ID1: variants seen among roughly 807,000 people sequenced by gnomAD.
The protein encoded by ID1 is inhibitor of DNA binding 1.
Under a neutral mutation model 11.3 loss-of-function variants are expected in ID1, and 8 were observed. The observed-to-expected ratio is 0.71, with a 90% confidence interval of 0.42 to 1.28. ID1 has a LOEUF of 1.28. Among genes scored for constraint, ID1 ranks in the 50% most tolerant of loss-of-function variants. The pLI, the probability that ID1 is intolerant of heterozygous loss-of-function variation, is 0.01. For missense variants in ID1, 347 were observed against 219.8 expected (o/e 1.58, Z -3.66); for synonymous variants, 176 against 100.2 (o/e 1.76, Z -4.52).
At position 31,605,781 on chromosome 20, in the gene ID1, C is replaced by G. The variant is rs778739469; in HGVS notation, c.394C>G (p.Leu132Val). ...GCCGGTCCGGGCTCCGCTCAGCACC[C>G]TCAACGGCGAGATCAGCGCCCTGAC... is the stretch of plus-strand genomic sequence containing the variant. ...GLPVRAPLSTLNGEISALTAE... is the reference protein window; with the variant it reads ...GLPVRAPLSTVNGEISALTAE... Residue 132 changes from leucine to valine, a missense_variant, in exon 1 of 2, where the codon CTC (leucine) becomes GTC (valine). Transcript: ENST00000376112. 1.9e-6 allele frequency: 3 copies of G among 1,611,216 alleles called. No homozygotes were observed. Among genetic ancestry groups the G allele is most frequent in the Non-Finnish European group, 8.5e-7 (1 of 1,178,772 alleles).
In ID1 at chr20:31,605,318, G is replaced by GT. The variant is rs1986043474; in HGVS notation, c.-69dup. 1 of 1,405,996 alleles carries GT rather than the reference G, an allele frequency of 7.1e-7. No homozygotes were observed. Among genetic ancestry groups the GT allele is most frequent in the Non-Finnish European group, 9.7e-7 (1 of 1,033,704 alleles). 87.1% of individuals were successfully genotyped at this position (1,405,996 alleles called of 1,614,324 possible). ...CACGTTCTTAACTGTTCCATTTTCC[G>GT]TATCTGCTTCGGGCTTCCACCTCAT... On this transcript the variant is annotated 5_prime_UTR_variant, in exon 1 of 2. Transcript: ENST00000376112.
Position 31,605,296 on chromosome 20 carries a change from G to A in ID1, c.-92G>A, listed in dbSNP as rs1255880746. On this transcript the variant is annotated 5_prime_UTR_variant, in exon 1 of 2. Transcript: ENST00000376112. ...CTGTGGCTCCGCACTCTCATTCCAC[G>A]TTCTTAACTGTTCCATTTTCCGTAT... The A allele has an allele frequency of 8.2e-7, 1 of 1,221,860 alleles. No individual in the cohort carries two copies. Among genetic ancestry groups the A allele is most frequent in the Admixed American group, 2.2e-5 (1 of 46,068 alleles). 75.7% of individuals were successfully genotyped at this position (1,221,860 alleles called of 1,614,324 possible).
At position 31,606,306 on chromosome 20, in the gene ID1, G is replaced by A; in HGVS notation, c.*212G>A. ...CTCTCTGCACACCTACTAGTCACCAGAGACTTTAGGGGGTGGGATTCCACT... is the reference window on the plus strand; with the variant it reads ...CTCTCTGCACACCTACTAGTCACCAAAGACTTTAGGGGGTGGGATTCCACT... On this transcript the variant is annotated 3_prime_UTR_variant, in exon 2 of 2. Coordinates refer to ENST00000376112, the MANE Select transcript of ID1 (RefSeq NM_002165.4). The A allele has an allele frequency of 1.7e-6, 1 of 593,892 alleles. No individual in the cohort carries two copies. The highest frequency in any genetic ancestry group is 3.1e-6 in the Non-Finnish European group (1 of 325,710). 36.8% of individuals were successfully genotyped at this position (593,892 alleles called of 1,614,324 possible). A position where few individuals can be genotyped will look rare whatever the true frequency, so the allele number is the denominator to read the frequency against.
At chr20:31,605,892 C>T in intron 1 of ID1, 79 bp downstream of exon 1, 1 of 1,582,448 alleles carries the variant, frequency 6.3e-7, no homozygotes, top group Non-Finnish European at 8.6e-7. Flanking sequence ...GGCGCTTGCA[C>T]CACTTCCGTC....
Position 31,606,427 on chromosome 20 carries a change from A to G in ID1, c.*333A>G. On this transcript the variant is annotated 3_prime_UTR_variant, in exon 2 of 2. Transcript: ENST00000376112. ...AGGAAATTGCTTTGTATTGTATATTACAATGATCACCGACTGAAAATATTG... is the reference window on the plus strand; with the variant it reads ...AGGAAATTGCTTTGTATTGTATATTGCAATGATCACCGACTGAAAATATTG... 1 of 367,428 alleles carries G rather than the reference A, an allele frequency of 2.7e-6. No individual in the cohort carries two copies. Among genetic ancestry groups the G allele is most frequent in the Non-Finnish European group, 5.2e-6 (1 of 193,652 alleles). The allele number at this position is 367,428 out of a possible 1,614,324, so 22.8% of individuals were successfully genotyped here.
rs532455191 is a variant in ID1 at position 31,606,051 on chromosome 20, A to G, written c.427-2A>G. Reference sequence around the variant, plus strand: ...CGGTCTCATTTCTTCTCGTTTTCACAGGCGGCATGCGTTCCTGCGGACGAT... The same window carrying G: ...CGGTCTCATTTCTTCTCGTTTTCACGGGCGGCATGCGTTCCTGCGGACGAT... On this transcript the variant is annotated splice_acceptor_variant, in intron 1 of 1. Coordinates refer to ENST00000376112, the MANE Select transcript of ID1 (RefSeq NM_002165.4). LOFTEE classifies it high-confidence loss of function. 4 of 1,611,700 alleles carry G rather than the reference A, an allele frequency of 2.5e-6. No individual in the cohort carries two copies. Among genetic ancestry groups the G allele is most frequent in the South Asian group, 1.1e-5 (1 of 91,080 alleles).
In ID1 at chr20:31,605,831, C is replaced by G. The variant is rs553369764; in HGVS notation, c.426+18C>G. 1 of 1,610,228 alleles carries G rather than the reference C, an allele frequency of 6.2e-7. No homozygotes were observed. The highest frequency in any genetic ancestry group is 2.2e-5 in the East Asian group (1 of 44,724). ...CGGCCGAGGTGAGATCCAGATCCGACCACTAGATCATCCTTATACCGACGG... is the reference window on the plus strand; with the variant it reads ...CGGCCGAGGTGAGATCCAGATCCGAGCACTAGATCATCCTTATACCGACGG... On this transcript the variant is annotated intron_variant, in intron 1 of 1. Transcript: ENST00000376112.
At position 31,605,332 on chromosome 20, in the gene ID1, C is replaced by A. The variant is rs574189867; in HGVS notation, c.-56C>A. The A allele has an allele frequency of 1.3e-6, 2 of 1,497,056 alleles. No individual in the cohort carries two copies. The highest frequency in any genetic ancestry group is 1.4e-5 in the African/African-American group (1 of 70,398). The allele number at this position is 1,497,056 out of a possible 1,614,324, so 92.7% of individuals were successfully genotyped here. A position where few individuals can be genotyped will look rare whatever the true frequency, so the allele number is the denominator to read the frequency against. ...TTCCATTTTCCGTATCTGCTTCGGG[C>A]TTCCACCTCATTTTTTTCGCTTTGC... is the stretch of plus-strand genomic sequence containing the variant. On this transcript the variant is annotated 5_prime_UTR_variant, in exon 1 of 2. Coordinates refer to ENST00000376112, the MANE Select transcript of ID1 (RefSeq NM_002165.4).
In ID1 at chr20:31,606,323, G is replaced by A; in HGVS notation, c.*229G>A. 1.7e-6 allele frequency: 1 copy of A among 575,116 alleles called. No individual in the cohort carries two copies. The highest frequency in any genetic ancestry group is 3.2e-6 in the Non-Finnish European group (1 of 316,274). The allele number at this position is 575,116 out of a possible 1,614,324, so 35.6% of individuals were successfully genotyped here. A position where few individuals can be genotyped will look rare whatever the true frequency, so the allele number is the denominator to read the frequency against. On this transcript the variant is annotated 3_prime_UTR_variant, in exon 2 of 2. Coordinates refer to ENST00000376112, the MANE Select transcript of ID1 (RefSeq NM_002165.4). ...AGTCACCAGAGACTTTAGGGGGTGG[G>A]ATTCCACTCGTGTGTTTCTATTTTT... is the stretch of plus-strand genomic sequence containing the variant.
At position 31,606,331 on chromosome 20, in the gene ID1, T is replaced by C. The variant is rs909116263; in HGVS notation, c.*237T>C. ...GAGACTTTAGGGGGTGGGATTCCACTCGTGTGTTTCTATTTTTTGAAAAGC... is the reference window on the plus strand; with the variant it reads ...GAGACTTTAGGGGGTGGGATTCCACCCGTGTGTTTCTATTTTTTGAAAAGC... On this transcript the variant is annotated 3_prime_UTR_variant, in exon 2 of 2. Coordinates refer to ENST00000376112, the MANE Select transcript of ID1 (RefSeq NM_002165.4). The C allele has an allele frequency of 3.5e-6, 2 of 566,702 alleles. No homozygotes were observed. The highest frequency in any genetic ancestry group is 6.4e-6 in the Non-Finnish European group (2 of 312,176). 35.1% of individuals were successfully genotyped at this position (566,702 alleles called of 1,614,324 possible).
chr20:31,605,306 GTTC>G lies in ID1; in HGVS notation c.-81_-79del, dbSNP rs1568818495. On this transcript the variant is annotated 5_prime_UTR_variant, in exon 1 of 2. Transcript: ENST00000376112. ...GCACTCTCATTCCACGTTCTTAACT[GTTC>G]CATTTTCCGTATCTGCTTCGGGCTT... 9 of 1,311,702 alleles carry G rather than the reference GTTC, an allele frequency of 6.9e-6. No homozygotes were observed. In the African/African-American group the frequency reaches 1.4e-4, roughly 20 times the overall value. The allele number at this position is 1,311,702 out of a possible 1,614,324, so 81.3% of individuals were successfully genotyped here.
In ID1 at chr20:31,605,549, T is replaced by A; in HGVS notation, c.162T>A (p.Pro54=). 6.4e-7 allele frequency: 1 copy of A among 1,558,492 alleles called. No individual in the cohort carries two copies. Among genetic ancestry groups the A allele is most frequent in the South Asian group, 1.2e-5 (1 of 85,862 alleles). Residue 54 remains proline (P), a synonymous_variant, in exon 1 of 2, where the codon CCT becomes CCA. Coordinates refer to ENST00000376112, the MANE Select transcript of ID1 (RefSeq NM_002165.4). The stretch of plus-strand genomic sequence containing the variant: ...CCGGGGGCGCCGGGGCGCGCCTGCC[T>A]GCCCTGCTGGACGAGCAGCAGGTAA... ...RCAGGAGARL[P]ALLDEQQVNV...
At position 31,606,301 on chromosome 20, in the gene ID1, C is replaced by CCT; in HGVS notation, c.*207_*208insCT. The CCT allele has an allele frequency of 1.7e-6, 1 of 597,416 alleles. No individual in the cohort carries two copies. The highest frequency in any genetic ancestry group is 3.1e-6 in the Non-Finnish European group (1 of 327,704). 37.0% of individuals were successfully genotyped at this position (597,416 alleles called of 1,614,324 possible). Reference sequence around the variant, plus strand: ...CGCTCCTCTCTGCACACCTACTAGTCACCAGAGACTTTAGGGGGTGGGATT... The same window carrying CCT: ...CGCTCCTCTCTGCACACCTACTAGTCCTACCAGAGACTTTAGGGGGTGGGATT... On this transcript the variant is annotated 3_prime_UTR_variant, in exon 2 of 2. Coordinates refer to ENST00000376112, the MANE Select transcript of ID1 (RefSeq NM_002165.4).
rs781602467 is a variant in ID1, at chr20:31,605,448, G to C, written c.61G>C (p.Ala21Pro). ...CGCGGGCCCCAGCTGCGCGCTGAAG[G>C]CCGGCAAGACAGCGAGCGGTGCGGG... ...AAAGPSCALK[A>P]GKTASGAGEV... Residue 21 changes from alanine to proline, a missense_variant, in exon 1 of 2, where the codon GCC becomes CCC. Coordinates refer to ENST00000376112, the MANE Select transcript of ID1 (RefSeq NM_002165.4). The C allele has an allele frequency of 1.2e-5, 20 of 1,608,934 alleles. No individual in the cohort carries two copies. Among genetic ancestry groups the C allele is most frequent in the Middle Eastern group, 1.7e-4 (1 of 5,956 alleles).
Position 31,605,557 on chromosome 20 carries a change from T to C in ID1, c.170T>C (p.Leu57Pro). The change falls in exon 1 of 2, where the codon CTG (leucine) becomes CCG (proline). Residue 57 changes from leucine (L) to proline (P), a missense_variant. Transcript: ENST00000376112. ...GGAGARLPALLDEQQVNVLLY... is the reference protein window; with the variant it reads ...GGAGARLPALPDEQQVNVLLY... ...GCCGGGGCGCGCCTGCCTGCCCTGCTGGACGAGCAGCAGGTAAACGTGCTG... is the reference window on the plus strand; with the variant it reads ...GCCGGGGCGCGCCTGCCTGCCCTGCCGGACGAGCAGCAGGTAAACGTGCTG... The C allele has an allele frequency of 6.4e-7, 1 of 1,558,606 alleles. No individual in the cohort carries two copies. The highest frequency in any genetic ancestry group is 8.7e-7 in the Non-Finnish European group (1 of 1,149,698).
Position 31,606,367 on chromosome 20 carries a change from A to G in ID1, c.*273A>G. ...TATTTTTTGAAAAGCAGACATTTTA[A>G]AAAATGGTCACGTTTGGTGCTTCTC... On this transcript the variant is annotated 3_prime_UTR_variant, in exon 2 of 2. Transcript: ENST00000376112. The G allele has an allele frequency of 1.8e-6, 1 of 546,928 alleles. No individual in the cohort carries two copies. The highest frequency in any genetic ancestry group is 3.1e-5 in the East Asian group (1 of 32,580). 33.9% of individuals were successfully genotyped at this position (546,928 alleles called of 1,614,324 possible).
intron 1 of ID1, 109 bp downstream of exon 1, chr20:31,605,922 G>A (rs1986089923): frequency 3.8e-6 from 6 of 1,584,172 alleles, no homozygotes; most frequent in Non-Finnish European, 5.2e-6. Flanking sequence ...CGGGTACCTG[G>A]CTATGCGGGG....
Position 31,605,525 on chromosome 20 carries a change from C to CG in ID1, c.143dup (p.Ala49ArgfsTer182). The stretch of plus-strand genomic sequence containing the variant: ...AGAGCGTGGCCATCTCGCGCTGCGC[C>CG]GGGGGCGCCGGGGCGCGCCTGCCTG... On this transcript the variant is annotated frameshift_variant, in exon 1 of 2. Coordinates refer to ENST00000376112, the MANE Select transcript of ID1 (RefSeq NM_002165.4). LOFTEE classifies it high-confidence loss of function. 6.4e-7 allele frequency: 1 copy of CG among 1,561,032 alleles called. No individual in the cohort carries two copies. The highest frequency in any genetic ancestry group is 8.7e-7 in the Non-Finnish European group (1 of 1,150,934).
Position 31,606,160 on chromosome 20 carries a change from G to T in ID1, c.*66G>T. 1 of 1,520,396 alleles carries T rather than the reference G, an allele frequency of 6.6e-7. No individual in the cohort carries two copies. 94.2% of individuals were successfully genotyped at this position (1,520,396 alleles called of 1,614,324 possible). A position where few individuals can be genotyped will look rare whatever the true frequency, so the allele number is the denominator to read the frequency against. On this transcript the variant is annotated 3_prime_UTR_variant, in exon 2 of 2. Transcript: ENST00000376112. ...GGGCAAGAGGAATTACGTGCTCTGT[G>T]GGTCTCCCCCAACGCGCCTCGCCGG... is the stretch of plus-strand genomic sequence containing the variant.
Sources: allele counts gnomAD v4.1 joint callset, GRCh38; gene constraint gnomAD v4.1.1; transcripts MANE v1.5; gene names NCBI Gene and HGNC (gene_info 2026-07-23, HGNC 2026-07-21).